The following CCDC146 variants were observed in gnomAD, a reference collection of about 807,000 sequenced individuals.
CCDC146 encodes the protein coiled-coil domain-containing protein 146.
Under a neutral mutation model 119.3 loss-of-function variants are expected in CCDC146, and 92 were observed. The observed-to-expected ratio is 0.77, with a 90% CI of 0.65 to 0.92. The LOEUF is 0.92. Among genes scored for constraint, CCDC146 ranks in the 40% least tolerant of loss-of-function variants. The pLI, the probability that CCDC146 is intolerant of heterozygous loss-of-function variation, is 0.00. For missense variants in CCDC146, 1,000 were observed against 1,103.0 expected (o/e 0.91, Z 1.32); for synonymous variants, 372 against 371.8 (o/e 1.00, Z -0.01).
intron 17 of CCDC146, among the ~76,000 whole-genome samples, chr7:77,291,406 G>A (rs116232978): frequency 0.017 from 2,355 of 141,580 alleles, 64 homozygotes; most frequent in African/African-American, 0.06. Flanking sequence ...GATATTAATA[G>A]GTTAAAAAAA....
intron 4 of CCDC146, among the ~76,000 whole-genome samples, chr7:77,248,307 T>C (rs571043739): frequency 3.3e-5 from 5 of 152,244 alleles, no homozygotes; most frequent in African/African-American, 1.2e-4. Flanking sequence ...GGATGAGAAA[T>C]GACTTAATGG....
chr7:77,294,443 G>A (rs1562865757), intron 18 of CCDC146, among the ~76,000 whole-genome samples: 1 of 148,502 alleles, frequency 6.7e-6, no homozygotes, highest in Non-Finnish European at 1.5e-5. Flanking sequence ...AAGCAATACA[G>A]CCCATGCCAA....
chr7:77,135,526 G>C (rs185779033), intron 1 of CCDC146, among the ~76,000 whole-genome samples: 2 of 152,124 alleles, frequency 1.3e-5, no homozygotes, highest in East Asian at 1.9e-4. Flanking sequence ...AGAGAAAAGA[G>C]AAAAAAGAAA....
At chr7:77,226,757 C>T (rs1462312679) in intron 2 of CCDC146, among the ~76,000 whole-genome samples, 1 of 152,164 alleles carries the variant, frequency 6.6e-6, no homozygotes, top group African/African-American at 2.4e-5. Context: ...ATTTTTGAAA[C>T]ATGACAAACT....
Position 77,278,870 on chromosome 7 carries a change from G to A in CCDC146, c.1529+30G>A, listed in dbSNP as rs1312133622. The A allele has an allele frequency of 1.3e-5, 21 of 1,596,110 alleles. No individual in the cohort carries two copies. In the South Asian group the frequency reaches 1.3e-4, roughly 10 times the overall value. ...AGTAATTATGTGGTGTTTTATCTAC[G>A]TAGGTGAGGGGAAAAAAACCTGATG... On this transcript the variant is annotated intron_variant, in intron 12 of 18. Coordinates refer to ENST00000285871, the MANE Select transcript of CCDC146 (RefSeq NM_020879.3).
intron 6 of CCDC146, among the ~76,000 whole-genome samples, chr7:77,257,507 G>A (rs1326621346): frequency 6.6e-6 from 1 of 152,144 alleles, no homozygotes; most frequent in African/African-American, 2.4e-5. Flanking sequence ...CAGGAACCCA[G>A]TGAAGCTTAA....
At chr7:77,223,639 C>T (rs563655293) in intron 2 of CCDC146, among the ~76,000 whole-genome samples, 1 of 152,346 alleles carries the variant, frequency 6.6e-6, no homozygotes, top group African/African-American at 2.4e-5. Flanking sequence ...TTACATTTGC[C>T]TTGTGTGACA....
intron 1 of CCDC146, among the ~76,000 whole-genome samples, chr7:77,153,973 A>G (rs976820415): frequency 3.3e-5 from 5 of 151,948 alleles, no homozygotes; most frequent in African/African-American, 1.2e-4. Context: ...CCATTCGGCA[A>G]TTAAGATAAC....
intron 1 of CCDC146, among the ~76,000 whole-genome samples, chr7:77,154,462 C>G (rs1206883848): frequency 1.3e-4 from 20 of 148,998 alleles, no homozygotes; most frequent in Non-Finnish European, 1.0e-4. Context: ...CCCCCTCCCC[C>G]ACCCCATGAC....
chr7:77,262,453 A>G (rs2150517669), intron 9 of CCDC146, 146 bp downstream of exon 9: 3 of 619,226 alleles, frequency 4.8e-6, no homozygotes, highest in East Asian at 2.9e-5. Context: ...CGTCAAGCCT[A>G]TTATGAAATC....
At chr7:77,277,278 G>A (rs1193542582) in intron 11 of CCDC146, among the ~76,000 whole-genome samples, 1 of 152,046 alleles carries the variant, frequency 6.6e-6, no homozygotes, top group Non-Finnish European at 1.5e-5. Flanking sequence ...ATACTTATTT[G>A]TTATAAGAAA....
At chr7:77,255,251 G>A (rs1160024119) in intron 5 of CCDC146, 1 of 152,060 alleles carries the variant, frequency 6.6e-6, no homozygotes, top group African/African-American at 2.4e-5. Context: ...TTATAACATG[G>A]GCAAGTCTAG....
chr7:77,273,973 G>A (rs1428367680), intron 10 of CCDC146, among the ~76,000 whole-genome samples, 184 bp downstream of exon 10: 1 of 152,144 alleles, frequency 6.6e-6, no homozygotes, highest in Non-Finnish European at 1.5e-5. Flanking sequence ...TGAGAAAAAA[G>A]AATATGTTTG....
chr7:77,159,865 A>T (rs1276977079), intron 1 of CCDC146, among the ~76,000 whole-genome samples: 1 of 152,118 alleles, frequency 6.6e-6, no homozygotes, highest in African/African-American at 2.4e-5. Context: ...CTGAATGGTA[A>T]TGCCTAGGTT....
chr7:77,284,043 A>G (rs1302755117), intron 15 of CCDC146, among the ~76,000 whole-genome samples: 1 of 152,128 alleles, frequency 6.6e-6, no homozygotes, highest in Admixed American at 6.6e-5. Context: ...AACAAGGTTC[A>G]TTTGAGGGAT....
chr7:77,236,799 C>A lies in CCDC146; in HGVS notation c.157-148C>A, dbSNP rs145283822. On this transcript the variant is annotated intron_variant, in intron 2 of 18. Transcript: ENST00000285871. ...GAACTAGCACTATTTTCTCCAAACA[C>A]CTGGCATGTTTCCAGTACACTACAT... The A allele has an allele frequency of 1.1e-5, 7 of 610,138 alleles. No homozygotes were observed. The East Asian group carries it at 2.0e-4, about 17-fold the overall frequency. The allele number at this position is 610,138 out of a possible 1,614,324, so 37.8% of individuals were successfully genotyped here. A position where few individuals can be genotyped will look rare whatever the true frequency, so the allele number is the denominator to read the frequency against.
At chr7:77,166,565 TC>T (rs1335550527) in intron 1 of CCDC146, among the ~76,000 whole-genome samples, 2 of 151,630 alleles carry the variant, frequency 1.3e-5, no homozygotes, top group Admixed American at 6.6e-5. Context: ...AATCTTATGA[TC>T]AATCAAGATA....
chr7:77,149,334 G>T (rs1021736384), intron 1 of CCDC146, among the ~76,000 whole-genome samples: 6 of 151,974 alleles, frequency 3.9e-5, no homozygotes, highest in East Asian at 1.9e-4. Context: ...AACTTAAGAT[G>T]GATTAAAGAC....
At chr7:77,278,882 A>C (rs3828947) in intron 12 of CCDC146, 42 bp downstream of exon 12, 550,062 of 1,593,264 alleles carry the variant, frequency 0.35, 101,121 homozygotes, top group African/African-American at 0.62. Flanking sequence ...AGGTGAGGGG[A>C]AAAAAACCTG....
Sources: gnomAD v4.1 joint callset for allele counts (sites outside exome capture counted in the v4.1 genomes callset) on GRCh38, gnomAD v4.1.1 for gene constraint, MANE v1.5 for transcripts, NCBI Gene and HGNC (gene_info 2026-07-23, HGNC 2026-07-21) for gene names.